Variants in PACRG observed in about 807,000 individuals in gnomAD.
PACRG encodes parkin coregulated.
A neutral mutation model predicts 29.7 loss-of-function variants in PACRG; 29 were observed. That is an observed-to-expected ratio of 0.98 (90% CI 0.73 to 1.33). The LOEUF (loss-of-function observed/expected upper bound fraction) is 1.33. Ranked by LOEUF, PACRG falls within the 40% of genes most tolerant of loss-of-function variation. The pLI is 0.00. For synonymous variants in PACRG, 116 were observed against 118.7 expected (o/e 0.98, Z 0.15); for missense variants, 279 against 316.2 (o/e 0.88, Z 0.89).
chr6:163,296,958 A>C (rs1394443352), intron 4 of PACRG, among the ~76,000 whole-genome samples: 1 of 152,252 alleles, frequency 6.6e-6, no homozygotes, highest in African/African-American at 2.4e-5. Flanking sequence ...ACTTAAGATC[A>C]CATGTACTGA....
chr6:162,731,274 C>T (rs1779746306), intron 1 of PACRG, among the ~76,000 whole-genome samples: 1 of 152,118 alleles, frequency 6.6e-6, no homozygotes, highest in African/African-American at 2.4e-5. Flanking sequence ...ACTGGCGTGA[C>T]CATCAGTATA....
Position 162,927,307 on chromosome 6 carries a change from T to A in PACRG, c.291+113026T>A, listed in dbSNP as rs183426903. Among the ~76,000 whole-genome samples, 195 of 152,274 alleles carry A rather than the reference T, an allele frequency of 1.3e-3. 2 individuals carry two copies. Among genetic ancestry groups the A allele is most frequent in the African/African-American group, 4.5e-3 (185 of 41,570 alleles). ...CCCAGCAATCCCATTGCTGGGTATA[T>A]ACCCAAAGGAATATAAATAATTATA... On this transcript the variant is annotated intron_variant, in intron 2 of 4. Coordinates refer to ENST00000366888, the MANE Select transcript of PACRG (RefSeq NM_001080379.2).
chr6:162,764,548 G>C lies in PACRG; in HGVS notation c.156+36157G>C, dbSNP rs189698146. 1.4e-4 allele frequency among the ~76,000 whole-genome samples: 21 copies of C among 152,150 alleles called. 1 individual carries two copies. Among genetic ancestry groups the C allele is most frequent in the African/African-American group, 4.8e-4 (20 of 41,526 alleles). Reference sequence around the variant, plus strand: ...TCAGCATTATCCTTAAATTACCCATGTCCATATTTAGAGATAGAAGATATA... The same window carrying C: ...TCAGCATTATCCTTAAATTACCCATCTCCATATTTAGAGATAGAAGATATA... On this transcript the variant is annotated intron_variant, in intron 1 of 4. Coordinates refer to ENST00000366888, the MANE Select transcript of PACRG (RefSeq NM_001080379.2).
At chr6:163,102,971 C>T (rs572596111) in intron 4 of PACRG, among the ~76,000 whole-genome samples, 1 of 152,244 alleles carries the variant, frequency 6.6e-6, no homozygotes, top group East Asian at 1.9e-4. Context: ...TTATCAACAG[C>T]TCAGCAATTG....
At position 162,728,023 on chromosome 6, in the gene PACRG, A is replaced by C. The variant is rs9347683; in HGVS notation, c.-213A>C. ...TTGGAAGCTTGTTGCAGCTCTAGCCAAGGTCCTGCCCTCTTCCCGCCCCGC... is the reference window on the plus strand; with the variant it reads ...TTGGAAGCTTGTTGCAGCTCTAGCCCAGGTCCTGCCCTCTTCCCGCCCCGC... On this transcript the variant is annotated 5_prime_UTR_variant, in exon 1 of 5. Transcript: ENST00000366888. 0.22 allele frequency: 148,630 copies of C among 663,176 alleles called. 19,398 individuals carry two copies. The highest frequency in any genetic ancestry group is 0.48 in the East Asian group (18,815 of 39,122). The allele number at this position is 663,176 out of a possible 1,614,324, so 41.1% of individuals were successfully genotyped here.
At chr6:163,116,364 T>C (rs954365408) in intron 4 of PACRG, among the ~76,000 whole-genome samples, 1 of 152,090 alleles carries the variant, frequency 6.6e-6, no homozygotes, top group Non-Finnish European at 1.5e-5. Flanking sequence ...GCAGCCATGA[T>C]CCAATCACCT....
At chr6:162,787,578 GTGTGTATATATATA>G (rs1410354195) in intron 1 of PACRG, among the ~76,000 whole-genome samples, 13 of 51,448 alleles carry the variant, frequency 2.5e-4, no homozygotes, top group African/African-American at 1.1e-3. Context: ...GTGTGTGTGT[GTGTGTATATATATA>G]TATATATATA....
rs567687287 is a variant in PACRG, at chr6:163,112,054, T to C, written c.613+22646T>C. 47 of 960,888 alleles carry C rather than the reference T, an allele frequency of 4.9e-5. 1 individual carries two copies. In the South Asian group the frequency reaches 5.8e-4, roughly 12 times the overall value. 59.5% of individuals were successfully genotyped at this position (960,888 alleles called of 1,614,324 possible). A position where few individuals can be genotyped will look rare whatever the true frequency, so the allele number is the denominator to read the frequency against. On this transcript the variant is annotated intron_variant, in intron 4 of 4. Coordinates refer to ENST00000366888, the MANE Select transcript of PACRG (RefSeq NM_001080379.2). The stretch of plus-strand genomic sequence containing the variant: ...ACACTGTACCAAATTATTAAATTCA[T>C]TGAGGAATTTTTAAAAGCAAGGCAT...
intron 2 of PACRG, among the ~76,000 whole-genome samples, chr6:162,828,935 A>C (rs1788509135): frequency 6.6e-6 from 1 of 152,224 alleles, no homozygotes. Flanking sequence ...TTTTAATTAA[A>C]TTTTTATTCC....
rs66497763 is a variant in PACRG at position 162,989,722 on chromosome 6, C to CTT, written c.292-72416_292-72415dup. Among the ~76,000 whole-genome samples the CTT allele has an allele frequency of 5.6e-3, 794 of 142,038 alleles. 6 individuals are homozygous for CTT. Among genetic ancestry groups the CTT allele is most frequent in the African/African-American group, 0.017 (659 of 38,726 alleles). 93.2% of individuals were successfully genotyped at this position (142,038 alleles called of 152,430 possible). On this transcript the variant is annotated intron_variant, in intron 2 of 4. Transcript: ENST00000366888. ...GAGGGCTGACTGTGTTCAGTACTTC[C>CTT]TTTTTTTTTTTTTCTTTTCTTTTTT... is the stretch of plus-strand genomic sequence containing the variant.
chr6:163,158,225 T>G (rs904589681), intron 4 of PACRG, among the ~76,000 whole-genome samples: 1 of 152,154 alleles, frequency 6.6e-6, no homozygotes, highest in African/African-American at 2.4e-5. Flanking sequence ...CTACAGGGAG[T>G]GGCCACCTTG....
chr6:163,135,282 C>G (rs1339904582), intron 4 of PACRG, among the ~76,000 whole-genome samples: 1 of 151,636 alleles, frequency 6.6e-6, no homozygotes, highest in Non-Finnish European at 1.5e-5. Flanking sequence ...TCCACCTCCT[C>G]GGTTCAAGCG....
intron 4 of PACRG, among the ~76,000 whole-genome samples, chr6:163,288,163 C>T (rs556414321): frequency 2.0e-5 from 3 of 152,208 alleles, no homozygotes; most frequent in East Asian, 1.9e-4. Flanking sequence ...TCGTCTCATG[C>T]GCTTGAAATG....
intron 2 of PACRG, among the ~76,000 whole-genome samples, chr6:163,014,626 A>C (rs771627081): frequency 4.0e-5 from 6 of 151,638 alleles, no homozygotes; most frequent in African/African-American, 9.7e-5. Context: ...GCATTTTTTC[A>C]GGTTTGTTGG....
chr6:162,751,602 T>G (rs1342213729), intron 1 of PACRG, among the ~76,000 whole-genome samples: 1 of 152,170 alleles, frequency 6.6e-6, no homozygotes, highest in Non-Finnish European at 1.5e-5. Flanking sequence ...AAATAGAGCT[T>G]CTCAGATGAG....
chr6:163,181,560 T>TCC (rs1779663129), intron 4 of PACRG, among the ~76,000 whole-genome samples: 3 of 118,666 alleles, frequency 2.5e-5, no homozygotes, highest in Non-Finnish European at 4.9e-5. Flanking sequence ...TGGAAATGGG[T>TCC]CCTCATGGAC....
At chr6:162,850,641 T>C (rs1382994791) in intron 2 of PACRG, among the ~76,000 whole-genome samples, 1 of 152,174 alleles carries the variant, frequency 6.6e-6, no homozygotes, top group Non-Finnish European at 1.5e-5. Context: ...TGTAGGTTCC[T>C]GGAGGGTGGA....
intron 2 of PACRG, among the ~76,000 whole-genome samples, chr6:162,877,534 T>A (rs1001247134): frequency 6.6e-6 from 1 of 151,414 alleles, no homozygotes; most frequent in African/African-American, 2.4e-5. Context: ...TGTATACCTA[T>A]GTAACAAACC....
intron 2 of PACRG, among the ~76,000 whole-genome samples, chr6:162,899,612 G>A (rs1392956001): frequency 6.6e-6 from 1 of 152,152 alleles, no homozygotes; most frequent in Non-Finnish European, 1.5e-5. Flanking sequence ...CTCTCTGTAA[G>A]GAAGGTCTTC....
Sources: gnomAD v4.1 joint callset for allele counts (sites outside exome capture counted in the v4.1 genomes callset) on GRCh38, gnomAD v4.1.1 for gene constraint, MANE v1.5 for transcripts, NCBI Gene and HGNC (gene_info 2026-07-23, HGNC 2026-07-21) for gene names.